The following PPP2R1B variants were observed in gnomAD, a reference collection of about 807,000 sequenced individuals.
The protein encoded by PPP2R1B is serine/threonine-protein phosphatase 2A 65 kDa regulatory subunit A beta isoform.
In PPP2R1B, 58 loss-of-function variants were observed where a neutral mutation model predicts 72.7. The observed-to-expected ratio is 0.80, with a 90% CI of 0.65 to 0.99. PPP2R1B has a LOEUF of 0.99. Among genes scored for constraint, PPP2R1B ranks in the 50% least tolerant of loss-of-function variants. The pLI is 0.00. For missense variants in PPP2R1B, 695 were observed against 733.6 expected, an observed-to-expected ratio of 0.95 and a Z score of 0.61; for synonymous variants, 256 against 264.6, an observed-to-expected ratio of 0.97 and a Z score of 0.32.
At chr11:111,737,445 T>G, downstream of PPP2R1B, 3 of 1,614,206 alleles carry the variant, frequency 1.9e-6, no homozygotes, top group Non-Finnish European at 2.5e-6. Flanking sequence ...TCCGGGCACT[T>G]ACCTTCCCCA....
chr11:111,758,035 T>C (rs1591706236), intron 5 of PPP2R1B, among the ~76,000 whole-genome samples: 2 of 152,112 alleles, frequency 1.3e-5, no homozygotes, highest in East Asian at 1.9e-4. Context: ...ACTTCCAAAC[T>C]GACATCCAAA....
intron 3 of PPP2R1B, chr11:111,761,365 A>C (rs1945321280): frequency 2.3e-6 from 1 of 428,954 alleles, no homozygotes; most frequent in Admixed American, 3.1e-5. Context: ...GGTTTAAAAG[A>C]TACATAGCCA....
intron 15 of PPP2R1B, among the ~76,000 whole-genome samples, chr11:111,731,019 A>C (rs1032616408): frequency 1.3e-5 from 2 of 152,252 alleles, no homozygotes; most frequent in African/African-American, 4.8e-5. Flanking sequence ...TGACGTCAGC[A>C]GGGTAAATAA....
At chr11:111,717,232 C>T in the PPP2R1B span, among the ~76,000 whole-genome samples, 4 of 133,672 alleles carry the variant, frequency 3.0e-5, no homozygotes, top group Non-Finnish European at 6.2e-5. Flanking sequence ...AGGAGAATGG[C>T]GTGAACCTGG....
Position 111,739,259 on chromosome 11 carries a change from G to C in PPP2R1B, c.*2337C>G, listed in dbSNP as rs995741394. The C allele has an allele frequency of 1.0e-6, 1 of 971,746 alleles. No homozygotes were observed. The highest frequency in any genetic ancestry group is 1.8e-5 in the African/African-American group (1 of 56,886). The allele number at this position is 971,746 out of a possible 1,614,324, so 60.2% of individuals were successfully genotyped here. A position where few individuals can be genotyped will look rare whatever the true frequency, so the allele number is the denominator to read the frequency against. ...TGGCGATACAGTAGAAGATAAAACA[G>C]ACAAAAATACCAGCCTTACAGAGCT... is the stretch of plus-strand genomic sequence containing the variant. On this transcript the variant is annotated 3_prime_UTR_variant, in exon 15 of 15. Transcript: ENST00000527614.
At chr11:111,734,866 A>C (rs1345286202), downstream of PPP2R1B, among the ~76,000 whole-genome samples, 3 of 152,196 alleles carry the variant, frequency 2.0e-5, no homozygotes, top group Non-Finnish European at 2.9e-5. Flanking sequence ...ACTCTGTGGG[A>C]GGAACAGGAC....
In PPP2R1B at chr11:111,740,534, T is replaced by A; in HGVS notation, c.*1062A>T. 1.0e-6 allele frequency: 1 copy of A among 985,266 alleles called. No individual in the cohort carries two copies. Among genetic ancestry groups the A allele is most frequent in the Middle Eastern group, 5.2e-4 (1 of 1,914 alleles). 61.0% of individuals were successfully genotyped at this position (985,266 alleles called of 1,614,324 possible). On this transcript the variant is annotated 3_prime_UTR_variant, in exon 15 of 15. Coordinates refer to ENST00000527614, the MANE Select transcript of PPP2R1B (RefSeq NM_002716.5). ...CAAATAGGCTTCCTCACTATTAATT[T>A]GCTTCAGTAAACTCTTCAGCTTAAC...
chr11:111,739,069 T>C lies in PPP2R1B; in HGVS notation c.*2527A>G. 1.0e-6 allele frequency: 1 copy of C among 985,408 alleles called. No individual in the cohort carries two copies. The highest frequency in any genetic ancestry group is 1.2e-6 in the Non-Finnish European group (1 of 829,930). 61.0% of individuals were successfully genotyped at this position (985,408 alleles called of 1,614,324 possible). A position where few individuals can be genotyped will look rare whatever the true frequency, so the allele number is the denominator to read the frequency against. ...CCAGAAAAGGGCCACATAAAGCTTG[T>C]TTCCTGAAAGCAGGAAAATCTTTCT... is the stretch of plus-strand genomic sequence containing the variant. On this transcript the variant is annotated 3_prime_UTR_variant, in exon 15 of 15. Transcript: ENST00000527614.
intron 10 of PPP2R1B, among the ~76,000 whole-genome samples, chr11:111,749,979 A>T (rs1555047381): frequency 2.0e-5 from 3 of 152,164 alleles, no homozygotes; most frequent in Non-Finnish European, 4.4e-5. Flanking sequence ...GCTCCTCTCC[A>T]CTCTGAAAAG....
chr11:111,703,533 AC>A, the PPP2R1B span: 3 of 884,548 alleles, frequency 3.4e-6, no homozygotes, highest in South Asian at 1.6e-5. Context: ...GCCTAGGCGT[AC>A]TGTTCAGTGT....
At chr11:111,715,857 A>G in the PPP2R1B span, among the ~76,000 whole-genome samples, 2 of 121,180 alleles carry the variant, frequency 1.7e-5, no homozygotes, top group South Asian at 2.8e-4. Context: ...GCTGGAGTGC[A>G]GTGACACGAT....
chr11:111,717,461 CAG>C, the PPP2R1B span, among the ~76,000 whole-genome samples: 3 of 151,660 alleles, frequency 2.0e-5, no homozygotes, highest in African/African-American at 7.3e-5. Flanking sequence ...GGCCTGGTTG[CAG>C]AGAGAAAGGA....
the PPP2R1B span, chr11:111,703,533 A>C: frequency 6.8e-6 from 6 of 884,666 alleles, no homozygotes; most frequent in Non-Finnish European, 1.1e-5. Context: ...GCCTAGGCGT[A>C]CTGTTCAGTG....
In PPP2R1B at chr11:111,738,435, A is replaced by C. The variant is rs996873889; in HGVS notation, c.*3161T>G. On this transcript the variant is annotated 3_prime_UTR_variant, in exon 15 of 15. Coordinates refer to ENST00000527614, the MANE Select transcript of PPP2R1B (RefSeq NM_002716.5). ...CCCAGCCTTTCAGTTTAGTGACAAC[A>C]CAACAGTTAACAAAGGAACAAAAGT... 2 of 985,484 alleles carry C rather than the reference A, an allele frequency of 2.0e-6. No homozygotes were observed. Among genetic ancestry groups the C allele is most frequent in the South Asian group, 9.4e-5 (2 of 21,294 alleles). The allele number at this position is 985,484 out of a possible 1,614,324, so 61.0% of individuals were successfully genotyped here. A position where few individuals can be genotyped will look rare whatever the true frequency, so the allele number is the denominator to read the frequency against.
intron 3 of PPP2R1B, among the ~76,000 whole-genome samples, chr11:111,764,573 AT>A (rs1945447022): frequency 6.6e-6 from 1 of 152,058 alleles, no homozygotes; most frequent in African/African-American, 2.4e-5. Flanking sequence ...ATCTAAACTA[AT>A]AAGTCTACAG....
At chr11:111,696,105 C>G in the PPP2R1B span, among the ~76,000 whole-genome samples, 1 of 152,146 alleles carries the variant, frequency 6.6e-6, no homozygotes, top group East Asian at 1.9e-4. Flanking sequence ...GATAACTGAT[C>G]TGTAATTAAA....
At chr11:111,742,341 G>C in intron 13 of PPP2R1B, 182 bp downstream of exon 13, 1 of 786,070 alleles carries the variant, frequency 1.3e-6, no homozygotes, top group East Asian at 2.7e-5. Flanking sequence ...CACATTTACA[G>C]AGCTTAAATA....
At chr11:111,764,990 A>C in intron 2 of PPP2R1B, 85 bp from the exon 3 acceptor site, 1 of 1,548,552 alleles carries the variant, frequency 6.5e-7, no homozygotes, top group South Asian at 1.2e-5. Context: ...CAGATTCACT[A>C]TGCGACCAGG....
Position 111,739,517 on chromosome 11 carries a change from C to T in PPP2R1B, c.*2079G>A. On this transcript the variant is annotated 3_prime_UTR_variant, in exon 15 of 15. Transcript: ENST00000527614. ...AAAAGACAGAGGCCCCGCTGAACCC[C>T]CGACCCATGCTTGAGAAAGCCAGGG... is the stretch of plus-strand genomic sequence containing the variant. 1.0e-6 allele frequency: 1 copy of T among 985,456 alleles called. No homozygotes were observed. The highest frequency in any genetic ancestry group is 1.2e-6 in the Non-Finnish European group (1 of 829,958). The allele number at this position is 985,456 out of a possible 1,614,324, so 61.0% of individuals were successfully genotyped here.
Sources: gnomAD v4.1 joint callset for allele counts (sites outside exome capture counted in the v4.1 genomes callset) on GRCh38, gnomAD v4.1.1 for gene constraint, MANE v1.5 for transcripts, NCBI Gene and HGNC (gene_info 2026-07-23, HGNC 2026-07-21) for gene names.